Variants in BLTP1 observed in about 807,000 individuals in gnomAD.
The protein encoded by BLTP1 is fragile site-associated protein.
At chr4:122,313,799 C>T in the BLTP1 span, 2 of 585,564 alleles carry the variant, frequency 3.4e-6, no homozygotes, top group East Asian at 6.9e-5. Flanking sequence ...TAAAAAAAAA[C>T]TATTTTGTAT....
chr4:122,235,262 T>A, the BLTP1 span: 3 of 801,706 alleles, frequency 3.7e-6, no homozygotes, highest in African/African-American at 5.6e-5. Context: ...CGTGGGTGGC[T>A]TTCCTCACAG....
At chr4:122,327,099 G>GTGTTTTGTTTTGTTTTGTTT in the BLTP1 span, among the ~76,000 whole-genome samples, 120 of 148,232 alleles carry the variant, frequency 8.1e-4, no homozygotes, top group South Asian at 4.8e-3. Context: ...TCATAGGGGG[G>GTGTTTTGTTTTGTTTTGTTT]TGTTTTGTTT....
chr4:122,284,827 A>G, the BLTP1 span, among the ~76,000 whole-genome samples: 2 of 152,202 alleles, frequency 1.3e-5, no homozygotes, highest in Admixed American at 1.3e-4. Flanking sequence ...TGTATAGGCA[A>G]AGACATATAT....
the BLTP1 span, among the ~76,000 whole-genome samples, chr4:122,179,285 A>G: frequency 6.6e-5 from 10 of 152,264 alleles, no homozygotes; most frequent in African/African-American, 2.2e-4. Flanking sequence ...AAATAAATAA[A>G]TAAATAAATA....
the BLTP1 span, chr4:122,325,816 G>GTTTTTTTTTTTTTTAT: frequency 1.3e-6 from 1 of 786,094 alleles, no homozygotes. Flanking sequence ...TTTTTCATGA[G>GTTTTTTTTTTTTTTAT]TTTTTTTTTT....
the BLTP1 span, chr4:122,336,802 T>C: frequency 3.5e-6 from 5 of 1,412,578 alleles, no homozygotes; most frequent in South Asian, 7.1e-5. Flanking sequence ...CATCTCACTC[T>C]AGTATAAACA....
chr4:122,314,064 AAG>A, the BLTP1 span: 60 of 970,674 alleles, frequency 6.2e-5, no homozygotes, highest in African/African-American at 9.7e-4. Context: ...GTATAAAAAG[AAG>A]AGAATATTTT....
At chr4:122,304,987 A>T in the BLTP1 span, 4 of 1,612,152 alleles carry the variant, frequency 2.5e-6, no homozygotes, top group Non-Finnish European at 3.4e-6. Context: ...ACATCAGGTG[A>T]GTACAGAATA....
the BLTP1 span, chr4:122,232,047 T>C: frequency 1.2e-3 from 1,149 of 984,972 alleles, 16 homozygotes; most frequent in African/African-American, 0.018. Flanking sequence ...GGTTAGGTGG[T>C]AGAGCAAGGT....
chr4:122,260,542 T>C, the BLTP1 span, among the ~76,000 whole-genome samples: 1 of 152,322 alleles, frequency 6.6e-6, no homozygotes, highest in East Asian at 1.9e-4. Flanking sequence ...TTCTCACTTA[T>C]CAGATTGAAA....
the BLTP1 span, chr4:122,224,819 C>A: frequency 6.4e-7 from 1 of 1,550,398 alleles, no homozygotes; most frequent in East Asian, 2.4e-5. Context: ...TCTTGCCATT[C>A]AGAATTTTAG....
chr4:122,266,842 C>G, the BLTP1 span: 1 of 1,611,000 alleles, frequency 6.2e-7, no homozygotes, highest in South Asian at 1.1e-5. Flanking sequence ...CAATGCCATT[C>G]TGCTACCGAA....
the BLTP1 span, chr4:122,187,140 A>T: frequency 1.2e-5 from 12 of 984,312 alleles, no homozygotes; most frequent in Admixed American, 1.2e-4. Context: ...AGATGTAATG[A>T]CAGCATATCA....
chr4:122,255,020 A>G, the BLTP1 span: 1 of 1,503,054 alleles, frequency 6.7e-7, no homozygotes, highest in East Asian at 2.3e-5. Context: ...CCTTATTGTT[A>G]ATCATTATTG....
chr4:122,353,331 C>T, the BLTP1 span: 9 of 730,376 alleles, frequency 1.2e-5, no homozygotes, highest in Non-Finnish European at 1.5e-5. This position sits in a 1 kb window ranked among gnomAD's most constrained non-coding sequence, Gnocchi z 4.3. Flanking sequence ...CTGAACTTGC[C>T]ATCTTACTCC....
the BLTP1 span, among the ~76,000 whole-genome samples, chr4:122,354,307 T>C: frequency 6.6e-6 from 1 of 152,140 alleles, no homozygotes. Flanking sequence ...TAGGAAATGA[T>C]TCTGGAAAAA....
At chr4:122,290,747 A>G in the BLTP1 span, among the ~76,000 whole-genome samples, 1 of 132,890 alleles carries the variant, frequency 7.5e-6, no homozygotes, top group Non-Finnish European at 1.5e-5. Context: ...AGATGGCGCC[A>G]CTGTGCTCCA....
chr4:122,187,796 G>A, the BLTP1 span: 1 of 1,302,194 alleles, frequency 7.7e-7, no homozygotes, highest in South Asian at 1.5e-5. Flanking sequence ...TCATTAAGCT[G>A]TTGTTTGAAA....
the BLTP1 span, chr4:122,307,953 G>A: frequency 4.3e-6 from 7 of 1,612,570 alleles, no homozygotes; most frequent in South Asian, 1.1e-5. Flanking sequence ...CAAAAGCTGT[G>A]CTGTTTTGGC....
Sources: allele counts gnomAD v4.1 joint callset (sites outside exome capture counted in the v4.1 genomes callset), GRCh38; gene constraint gnomAD v4.1.1; non-coding constraint Gnocchi (gnomAD v3.1); transcripts MANE v1.5; gene names NCBI Gene and HGNC (gene_info 2026-07-23, HGNC 2026-07-21).